SERTAD4: variants seen among roughly 807,000 people sequenced by gnomAD.
SERTAD4 encodes the protein SERTA domain-containing protein 4.
Under a neutral mutation model 32.9 loss-of-function variants are expected in SERTAD4, and 18 were observed. The ratio of observed to expected loss-of-function variants is 0.55; its 90% CI spans 0.38 to 0.81. SERTAD4 has a LOEUF of 0.81. Ranked by LOEUF, SERTAD4 falls within the 30% of genes least tolerant of loss-of-function variation. The pLI is 0.00. For synonymous variants in SERTAD4, 150 were observed against 156.4 expected, an observed-to-expected ratio of 0.96 and a Z score of 0.30; for missense variants, 383 against 426.0, an observed-to-expected ratio of 0.90 and a Z score of 0.89.
chr1:210,242,727 C>T lies in SERTAD4; in HGVS notation c.*390C>T, dbSNP rs976921969. ...TTAGGGAGTTATTTGGTAAGCAAAT[C>T]AATATAACCAGCAAAGATACCTGCT... On this transcript the variant is annotated 3_prime_UTR_variant, in exon 4 of 4. Coordinates refer to ENST00000367012, the MANE Select transcript of SERTAD4 (RefSeq NM_019605.5). This position sits in a 1 kb window ranked among gnomAD's most constrained non-coding sequence, Gnocchi z 4.0. 2.0e-6 allele frequency: 2 copies of T among 1,002,582 alleles called. No homozygotes were observed. Among genetic ancestry groups the T allele is most frequent in the Non-Finnish European group, 2.4e-6 (2 of 841,744 alleles). The allele number at this position is 1,002,582 out of a possible 1,614,324, so 62.1% of individuals were successfully genotyped here.
chr1:210,241,885 A>T lies in SERTAD4; in HGVS notation c.619A>T (p.Asn207Tyr), dbSNP rs1449718426. ...GHYLNLPLSV[N>Y]ANVGSASTAA... Reference sequence around the variant, plus strand: ...CTACCTAAATTTACCCCTTTCTGTCAATGCTAATGTTGGAAGTGCCTCCAC... The same window carrying T: ...CTACCTAAATTTACCCCTTTCTGTCTATGCTAATGTTGGAAGTGCCTCCAC... Residue 207 changes from asparagine to tyrosine, a missense_variant, in exon 4 of 4, where the codon AAT (asparagine) becomes TAT (tyrosine). Transcript: ENST00000367012. 6 of 1,613,982 alleles carry T rather than the reference A, an allele frequency of 3.7e-6. No individual in the cohort carries two copies. The highest frequency in any genetic ancestry group is 5.1e-6 in the Non-Finnish European group (6 of 1,180,002).
At chr1:210,239,445 C>T (rs1187387111) in intron 2 of SERTAD4, 48 bp from the exon 3 acceptor site, 1 of 1,114,652 alleles carries the variant, frequency 9.0e-7, no homozygotes, top group Admixed American at 1.8e-5. Context: ...GTTTGGAGAA[C>T]CTCTGGCAAA....
intron 1 of SERTAD4, chr1:210,233,740 G>A (rs1470785747): frequency 4.2e-6 from 2 of 471,140 alleles, no homozygotes; most frequent in Non-Finnish European, 8.8e-6. Context: ...CGAGTGCCCA[G>A]CTGTGGTCGC....
chr1:210,243,122 G>A lies in SERTAD4; in HGVS notation c.*785G>A, dbSNP rs1042448275. 12 of 952,374 alleles carry A rather than the reference G, an allele frequency of 1.3e-5. No individual in the cohort carries two copies. In the African/African-American group the frequency reaches 2.0e-4, roughly 16 times the overall value. 59.0% of individuals were successfully genotyped at this position (952,374 alleles called of 1,614,324 possible). A position where few individuals can be genotyped will look rare whatever the true frequency, so the allele number is the denominator to read the frequency against. On this transcript the variant is annotated 3_prime_UTR_variant, in exon 4 of 4. Transcript: ENST00000367012. ...AAAAAAAAAAAAAAAAAAACCACAG[G>A]GTGGATCAATATGGTTTGGAAACTG...
At chr1:210,241,476 T>C (rs962099227) in intron 3 of SERTAD4, 82 bp from the exon 4 acceptor site, 56 of 1,345,998 alleles carry the variant, frequency 4.2e-5, no homozygotes, top group Non-Finnish European at 2.2e-5. Context: ...GCTATGATGA[T>C]GTTTTCATAT....
chr1:210,245,666 A>T lies in SERTAD4; in HGVS notation c.*3329A>T. 1 of 289,010 alleles carries T rather than the reference A, an allele frequency of 3.5e-6. No homozygotes were observed. Among genetic ancestry groups the T allele is most frequent in the Non-Finnish European group, 5.2e-6 (1 of 193,268 alleles). The allele number at this position is 289,010 out of a possible 1,614,324, so 17.9% of individuals were successfully genotyped here. A position where few individuals can be genotyped will look rare whatever the true frequency, so the allele number is the denominator to read the frequency against. On this transcript the variant is annotated 3_prime_UTR_variant, in exon 4 of 4. Coordinates refer to ENST00000367012, the MANE Select transcript of SERTAD4 (RefSeq NM_019605.5). ...AGAACATTTTACATGCTTCTTTGTT[A>T]AATGGTGAAGCAAGGGAATGAAAGT...
chr1:210,245,174 C>T lies in SERTAD4; in HGVS notation c.*2837C>T, dbSNP rs1306557869. The T allele has an allele frequency of 6.6e-6, 1 of 152,144 alleles. No individual in the cohort carries two copies. Among genetic ancestry groups the T allele is most frequent in the African/African-American group, 2.4e-5 (1 of 41,428 alleles). The allele number at this position is 152,144 out of a possible 1,614,324, so 9.4% of individuals were successfully genotyped here. A position where few individuals can be genotyped will look rare whatever the true frequency, so the allele number is the denominator to read the frequency against. On this transcript the variant is annotated 3_prime_UTR_variant, in exon 4 of 4. Transcript: ENST00000367012. ...CTCCACCCACACTGGTATCTACGCG[C>T]CTGGAAGCTGCACCTTCTCTCATTG... is the stretch of plus-strand genomic sequence containing the variant.
rs2084011493 is a variant in SERTAD4 at position 210,242,750 on chromosome 1, GCTT to G, written c.*419_*421del. On this transcript the variant is annotated 3_prime_UTR_variant, in exon 4 of 4. Coordinates refer to ENST00000367012, the MANE Select transcript of SERTAD4 (RefSeq NM_019605.5). This position sits in a 1 kb window ranked among gnomAD's most constrained non-coding sequence, Gnocchi z 4.0. ...ATCAATATAACCAGCAAAGATACCTGCTTCTTCTATATGATACAATATTTTTTT... is the reference window on the plus strand; with the variant it reads ...ATCAATATAACCAGCAAAGATACCTGCTTCTATATGATACAATATTTTTTT... The G allele has an allele frequency of 1.0e-6, 1 of 994,414 alleles. No homozygotes were observed. Among genetic ancestry groups the G allele is most frequent in the Non-Finnish European group, 1.2e-6 (1 of 836,128 alleles). The allele number at this position is 994,414 out of a possible 1,614,324, so 61.6% of individuals were successfully genotyped here.
intron 1 of SERTAD4, among the ~76,000 whole-genome samples, chr1:210,236,966 T>C (rs1232010292): frequency 6.6e-6 from 1 of 152,176 alleles, no homozygotes. Flanking sequence ...GAAAGCGGCC[T>C]CACTGCCTGA....
chr1:210,246,212 G>A lies in SERTAD4; in HGVS notation c.*3875G>A, dbSNP rs2084047637. On this transcript the variant is annotated 3_prime_UTR_variant, in exon 4 of 4. Transcript: ENST00000367012. ...TTTAAGATTGCTGTATTTTGATTTTGTGGTTTAAAATAAATGCATTAAGGA... is the reference window on the plus strand; with the variant it reads ...TTTAAGATTGCTGTATTTTGATTTTATGGTTTAAAATAAATGCATTAAGGA... 6.5e-6 allele frequency: 1 copy of A among 153,090 alleles called. No individual in the cohort carries two copies. Among genetic ancestry groups the A allele is most frequent in the South Asian group, 2.1e-4 (1 of 4,838 alleles). The allele number at this position is 153,090 out of a possible 1,614,324, so 9.5% of individuals were successfully genotyped here.
rs540881447 is a variant in SERTAD4, at chr1:210,242,828, T to C, written c.*491T>C. 2.1e-5 allele frequency: 21 copies of C among 987,562 alleles called. No individual in the cohort carries two copies. In the African/African-American group the frequency reaches 3.1e-4, roughly 15 times the overall value. 61.2% of individuals were successfully genotyped at this position (987,562 alleles called of 1,614,324 possible). A position where few individuals can be genotyped will look rare whatever the true frequency, so the allele number is the denominator to read the frequency against. ...GCTAGATGAAATGGCTTAATGGTGC[T>C]GTTAAGTATTTGTACCTAACAGTCT... On this transcript the variant is annotated 3_prime_UTR_variant, in exon 4 of 4. Transcript: ENST00000367012. The surrounding 1 kb of genome is among the most constrained non-coding windows in gnomAD (Gnocchi z 4.0).
intron 1 of SERTAD4, 122 bp from the exon 2 acceptor site, chr1:210,237,822 G>C (rs2083955499): frequency 1.5e-6 from 1 of 685,938 alleles, no homozygotes. Flanking sequence ...TCAGGGTAAA[G>C]GGGAGGGCCG....
chr1:210,238,864 A>G (rs1558256722), intron 2 of SERTAD4, among the ~76,000 whole-genome samples: 1 of 152,212 alleles, frequency 6.6e-6, no homozygotes, highest in African/African-American at 2.4e-5. Flanking sequence ...TAAAACAAGT[A>G]CTCAATGAAG....
Position 210,242,189 on chromosome 1 carries a change from T to C in SERTAD4, c.923T>C (p.Phe308Ser). The change falls in exon 4 of 4, where the codon TTT becomes TCT. Residue 308 changes from phenylalanine to serine, a missense_variant. Physicochemically the swap from Phe to Ser is radical, Grantham distance 155 (BLOSUM62 -2). Around this residue, in one of 3 missense-constraint regions of SERTAD4, gnomAD observed 180 missense variants for 190.6 expected, o/e 0.94. Coordinates refer to ENST00000367012, the MANE Select transcript of SERTAD4 (RefSeq NM_019605.5). The surrounding 1 kb of genome is among the most constrained non-coding windows in gnomAD (Gnocchi z 4.0). ...SHEPVGNDLA[F>S]ECKGQFYDYF... is the part of the protein sequence containing the mutation. ...GAACCTGTGGGAAATGACCTTGCTT[T>C]TGAGTGCAAAGGCCAATTTTATGAT... 1 of 1,614,220 alleles carries C rather than the reference T, an allele frequency of 6.2e-7. No individual in the cohort carries two copies. Among genetic ancestry groups the C allele is most frequent in the South Asian group, 1.1e-5 (1 of 91,084 alleles).
At position 210,242,574 on chromosome 1, in the gene SERTAD4, TATATC is replaced by T. The variant is rs2084009940; in HGVS notation, c.*241_*245del. On this transcript the variant is annotated 3_prime_UTR_variant, in exon 4 of 4. Coordinates refer to ENST00000367012, the MANE Select transcript of SERTAD4 (RefSeq NM_019605.5). The surrounding 1 kb of genome is among the most constrained non-coding windows in gnomAD (Gnocchi z 4.0). ...AAACGATTGACTTAATGCTTAAAAG[TATATC>T]ATAGTTTTCTTACGGAAAAGATCAG... 1 of 1,246,064 alleles carries T rather than the reference TATATC, an allele frequency of 8.0e-7. No homozygotes were observed. The highest frequency in any genetic ancestry group is 3.3e-5 in the South Asian group (1 of 30,548). 77.2% of individuals were successfully genotyped at this position (1,246,064 alleles called of 1,614,324 possible).
chr1:210,241,959 C>T lies in SERTAD4; in HGVS notation c.693C>T (p.Ser231=). The T allele has an allele frequency of 6.2e-7, 1 of 1,614,140 alleles. No homozygotes were observed. Among genetic ancestry groups the T allele is most frequent in the Non-Finnish European group, 8.5e-7 (1 of 1,180,026 alleles). The change falls in exon 4 of 4, where the codon TCC becomes TCT. Residue 231 remains serine (S), a synonymous_variant. Transcript: ENST00000367012. ...SASSSSSSSS[S]SPPLPLPSCS... ...CTTCTTCCTCCTCATCTTCCTCTTCCTCTCCCCCTTTGCCTTTACCGAGTT... is the reference window on the plus strand; with the variant it reads ...CTTCTTCCTCCTCATCTTCCTCTTCTTCTCCCCCTTTGCCTTTACCGAGTT...
chr1:210,238,225 C>T (rs2147846770), intron 2 of SERTAD4, 90 bp downstream of exon 2: 3 of 806,404 alleles, frequency 3.7e-6, no homozygotes, highest in Non-Finnish European at 6.0e-6. Context: ...TGGGGTGCCC[C>T]TCTGAGCCAG....
At position 210,241,560 on chromosome 1, in the gene SERTAD4, C is replaced by G; in HGVS notation, c.294C>G (p.Thr98=). ...TTTTTTTTTTTTTTGGTTTGTAGAC[C>G]ATCTCAATTTTTGAGGAACGAGCCC... ...HPPLSSCSHK[T]ISIFEERAHI... is the part of the protein sequence containing the mutation. Residue 98 remains threonine (T), a splice_region_variant and synonymous_variant, in exon 4 of 4, where the codon ACC becomes ACG. Transcript: ENST00000367012. 1 of 1,505,180 alleles carries G rather than the reference C, an allele frequency of 6.6e-7. No homozygotes were observed. The highest frequency in any genetic ancestry group is 8.9e-7 in the Non-Finnish European group (1 of 1,129,918). 93.2% of individuals were successfully genotyped at this position (1,505,180 alleles called of 1,614,324 possible). A position where few individuals can be genotyped will look rare whatever the true frequency, so the allele number is the denominator to read the frequency against.
At chr1:210,236,270 T>C (rs1163712431) in intron 1 of SERTAD4, among the ~76,000 whole-genome samples, 2 of 152,232 alleles carry the variant, frequency 1.3e-5, no homozygotes, top group South Asian at 2.1e-4. Flanking sequence ...TAAGGTTTAC[T>C]AATAAGTCCG....
Sources: gnomAD v4.1 joint callset for allele counts (sites outside exome capture counted in the v4.1 genomes callset) on GRCh38, gnomAD v4.1.1 for gene constraint, gnomAD v4.1.1 regional missense constraint, Gnocchi (gnomAD v3.1) non-coding constraint, MANE v1.5 for transcripts, NCBI Gene and HGNC (gene_info 2026-07-23, HGNC 2026-07-21) for gene names.